MYCBP2: variants seen among roughly 807,000 people sequenced by gnomAD.
MYCBP2 encodes MYC binding protein 2.
Under a neutral mutation model 525.3 loss-of-function variants are expected in MYCBP2, and 120 were observed. The observed-to-expected ratio is 0.23, with a 90% CI of 0.20 to 0.27. The LOEUF (loss-of-function observed/expected upper bound fraction) is 0.27. Among genes scored for constraint, MYCBP2 ranks in the 10% least tolerant of loss-of-function variants. The pLI, the probability that MYCBP2 is intolerant of heterozygous loss-of-function variation, is 1.00. For synonymous variants in MYCBP2, 1,894 were observed against 1,955.8 expected (o/e 0.97, Z 0.83); for missense variants, 4,149 against 5,657.1 (o/e 0.73, Z 8.55).
chr13:77,278,419 C>A (rs1203014798), intron 4 of MYCBP2, among the ~76,000 whole-genome samples: 1 of 152,022 alleles, frequency 6.6e-6, no homozygotes, highest in African/African-American at 2.4e-5. Context: ...CAGTGGAACA[C>A]AGAAAAAAAT....
intron 55 of MYCBP2, among the ~76,000 whole-genome samples, chr13:77,107,363 T>C (rs1340215720): frequency 6.6e-6 from 1 of 152,230 alleles, no homozygotes; most frequent in Non-Finnish European, 1.5e-5. Context: ...AAAGATGTGA[T>C]TAATCAAACA....
chr13:77,319,592 TATCA>T (rs2081352543), intron 1 of MYCBP2, among the ~76,000 whole-genome samples: 1 of 152,208 alleles, frequency 6.6e-6, no homozygotes. Flanking sequence ...TTCTCCAATC[TATCA>T]ATGTTATTTA....
chr13:77,140,472 A>T (rs763486083), intron 50 of MYCBP2, among the ~76,000 whole-genome samples: 1 of 152,180 alleles, frequency 6.6e-6, no homozygotes, highest in Non-Finnish European at 1.5e-5. Flanking sequence ...AAATAAATTC[A>T]ATTACCAATA....
intron 59 of MYCBP2, 98 bp downstream of exon 59, chr13:77,093,067 C>G (rs1335802216): frequency 8.2e-7 from 1 of 1,218,418 alleles, no homozygotes; most frequent in Non-Finnish European, 1.1e-6. Context: ...AACTGGCTCA[C>G]AGATGTATTA....
At chr13:77,223,365 C>G (rs1339203836) in intron 20 of MYCBP2, among the ~76,000 whole-genome samples, 2 of 152,202 alleles carry the variant, frequency 1.3e-5, no homozygotes, top group African/African-American at 4.8e-5. Context: ...TCTTCCTTCT[C>G]TTTCTCCTTT....
intron 31 of MYCBP2, among the ~76,000 whole-genome samples, 164 bp downstream of exon 31, chr13:77,185,707 T>C (rs2060653593): frequency 6.6e-6 from 1 of 152,210 alleles, no homozygotes; most frequent in Non-Finnish European, 1.5e-5. Flanking sequence ...TTTTACTCTT[T>C]ATAAGCAAAT....
intron 1 of MYCBP2, among the ~76,000 whole-genome samples, chr13:77,313,411 A>T (rs529710568): frequency 6.6e-6 from 1 of 152,218 alleles, no homozygotes; most frequent in African/African-American, 2.4e-5. Flanking sequence ...GAAAGCCAAA[A>T]GTTGGTTCTT....
At chr13:77,169,942 A>C (rs2058978866) in intron 38 of MYCBP2, among the ~76,000 whole-genome samples, 1 of 152,254 alleles carries the variant, frequency 6.6e-6, no homozygotes, top group Non-Finnish European at 1.5e-5. Context: ...ATTTTCAGAA[A>C]GGAAAACCAT....
chr13:77,251,563 G>A (rs1642479671), intron 14 of MYCBP2, among the ~76,000 whole-genome samples: 1 of 152,154 alleles, frequency 6.6e-6, no homozygotes, highest in Non-Finnish European at 1.5e-5. Context: ...AAGAAGGCAA[G>A]GAAGGCTATT....
chr13:77,144,156 G>T (rs556785735), intron 49 of MYCBP2: 6 of 366,100 alleles, frequency 1.6e-5, no homozygotes, highest in African/African-American at 1.0e-4. Flanking sequence ...ACCCACAGGG[G>T]AGAGACAGGG....
At chr13:77,184,611 T>C (rs866942712) in intron 32 of MYCBP2, among the ~76,000 whole-genome samples, 1 of 152,228 alleles carries the variant, frequency 6.6e-6, no homozygotes, top group African/African-American at 2.4e-5. Context: ...CAGCTGTCAA[T>C]GTGAATCTAT....
chr13:77,218,019 T>C, intron 20 of MYCBP2, 62 bp from the exon 21 acceptor site: 2 of 1,143,210 alleles, frequency 1.7e-6, no homozygotes, highest in South Asian at 1.4e-5. Context: ...ATAAAAACAA[T>C]AAGTAAGCAA....
In MYCBP2 at chr13:77,303,153, T is replaced by G. The variant is rs191521162; in HGVS notation, c.303-6479A>C. 1.0e-3 allele frequency among the ~76,000 whole-genome samples: 155 copies of G among 152,214 alleles called. 1 individual carries two copies. The highest frequency in any genetic ancestry group is 3.6e-3 in the African/African-American group (150 of 41,530). ...TTCGAGACCAGCCTCACCAACATGGTGAAATACCGTCTCTACTAAAAATAC... is the reference window on the plus strand; with the variant it reads ...TTCGAGACCAGCCTCACCAACATGGGGAAATACCGTCTCTACTAAAAATAC... On this transcript the variant is annotated intron_variant, in intron 1 of 82. Coordinates refer to ENST00000544440, the MANE Select transcript of MYCBP2 (RefSeq NM_015057.5).
chr13:77,310,183 C>T (rs1395477099), intron 1 of MYCBP2, among the ~76,000 whole-genome samples: 3 of 152,102 alleles, frequency 2.0e-5, no homozygotes, highest in Non-Finnish European at 2.9e-5. Flanking sequence ...TCAAATAAAG[C>T]AATACAGGGA....
chr13:77,289,868 T>G (rs532438101), intron 2 of MYCBP2, among the ~76,000 whole-genome samples: 1 of 152,232 alleles, frequency 6.6e-6, no homozygotes, highest in Non-Finnish European at 1.5e-5. Context: ...TATATAAAAA[T>G]GAGTAGTATA....
At chr13:77,216,276 G>A (rs1164711331) in intron 21 of MYCBP2, among the ~76,000 whole-genome samples, 1 of 152,070 alleles carries the variant, frequency 6.6e-6, no homozygotes, top group East Asian at 1.9e-4. Context: ...CAAGTAAACA[G>A]GAAAGGAGGG....
chr13:77,214,463 G>T lies in MYCBP2; in HGVS notation c.3058-2303C>A, dbSNP rs1389394737. Among the ~76,000 whole-genome samples the T allele has an allele frequency of 5.3e-5, 8 of 151,726 alleles. No homozygotes were observed. In the South Asian group the frequency reaches 1.7e-3, roughly 31 times the overall value. Reference sequence around the variant, plus strand: ...ATTACATGGAGGTAAAAAAAAAAATGAAGAGCTTTATGAATTGATATGGAG... The same window carrying T: ...ATTACATGGAGGTAAAAAAAAAAATTAAGAGCTTTATGAATTGATATGGAG... On this transcript the variant is annotated intron_variant, in intron 21 of 82. Coordinates refer to ENST00000544440, the MANE Select transcript of MYCBP2 (RefSeq NM_015057.5).
At chr13:77,263,523 T>C in intron 10 of MYCBP2, 128 bp downstream of exon 10, 4 of 670,488 alleles carry the variant, frequency 6.0e-6, no homozygotes, top group Admixed American at 3.2e-5. Context: ...ATCCTTTATA[T>C]TAATAGTAAC....
At chr13:77,047,062 T>C (rs994608528) in intron 82 of MYCBP2, among the ~76,000 whole-genome samples, 3 of 152,132 alleles carry the variant, frequency 2.0e-5, no homozygotes, top group African/African-American at 7.2e-5. Context: ...GCATGCCTAA[T>C]ATATGAAGGG....
Sources: gnomAD v4.1 joint callset for allele counts (sites outside exome capture counted in the v4.1 genomes callset) on GRCh38, gnomAD v4.1.1 for gene constraint, MANE v1.5 for transcripts, NCBI Gene and HGNC (gene_info 2026-07-23, HGNC 2026-07-21) for gene names.